The following HNMT variants were observed in gnomAD, a reference collection of about 807,000 sequenced individuals.
HNMT encodes the protein histamine N-methyltransferase.
Under a neutral mutation model 32.1 loss-of-function variants are expected in HNMT, and 30 were observed. The observed-to-expected ratio is 0.93, with a 90% CI of 0.70 to 1.27. The LOEUF is 1.27. HNMT is among the 50% of genes most tolerant of loss of function. The pLI is 0.00. For synonymous variants in HNMT, 125 were observed against 119.0 expected, an observed-to-expected ratio of 1.05 and a Z score of -0.33; for missense variants, 327 against 346.0, an observed-to-expected ratio of 0.95 and a Z score of 0.43.
intron 2 of HNMT, among the ~76,000 whole-genome samples, chr2:138,000,717 T>C (rs1261603315): frequency 6.6e-6 from 1 of 152,126 alleles, no homozygotes; most frequent in Non-Finnish European, 1.5e-5. Context: ...TGGATGGCAC[T>C]CACAGCCCTC....
intron 5 of HNMT, 61 bp from the exon 6 acceptor site, chr2:138,013,714 C>G: frequency 7.7e-7 from 1 of 1,304,744 alleles, no homozygotes; most frequent in South Asian, 1.3e-5. Context: ...AGTGTACTTT[C>G]TGGCAGACTG....
rs1301293045 is a variant in HNMT at position 138,013,853 on chromosome 2, C to G, written c.602C>G (p.Ser201Ter). The part of the protein sequence containing the change: ...PQDDLCQYIT[S>*]DDLTQMLDNL... The stretch of plus-strand genomic sequence containing the variant: ...GATGACCTCTGCCAGTATATCACAT[C>G]AGATGACCTCACTCAGATGCTGGAC... The change falls in exon 6 of 6, where the codon TCA becomes TGA. Residue 201 changes from serine to a stop codon, truncating the protein, a stop_gained. Transcript: ENST00000280097. LOFTEE classifies it high-confidence loss of function. 6.2e-7 allele frequency: 1 copy of G among 1,613,628 alleles called. No homozygotes were observed. Among genetic ancestry groups the G allele is most frequent in the Non-Finnish European group, 8.5e-7 (1 of 1,179,800 alleles).
At chr2:137,983,953 A>G (rs1680576988) in intron 2 of HNMT, among the ~76,000 whole-genome samples, 1 of 152,168 alleles carries the variant, frequency 6.6e-6, no homozygotes. Flanking sequence ...GCAGATGTCG[A>G]GGTGACCTAT....
chr2:137,974,823 A>G (rs1671672959), intron 2 of HNMT, among the ~76,000 whole-genome samples: 1 of 152,232 alleles, frequency 6.6e-6, no homozygotes, highest in Admixed American at 6.5e-5. Flanking sequence ...CAAGCAACTC[A>G]TATATGAAAT....
At chr2:138,005,984 T>C (rs1247314643) in intron 5 of HNMT, among the ~76,000 whole-genome samples, 4 of 152,004 alleles carry the variant, frequency 2.6e-5, no homozygotes, top group Non-Finnish European at 1.5e-5. Context: ...TTTAACACCG[T>C]ATGTCACAAA....
At position 138,002,083 on chromosome 2, in the gene HNMT, G is replaced by A. The variant is rs565549519; in HGVS notation, c.318G>A (p.Ser106=). Residue 106 remains serine (S), a synonymous_variant, in exon 4 of 6, where the codon TCG becomes TCA. Transcript: ENST00000280097. ...AKYKELVAKT[S]NLENVKFAWH... Reference sequence around the variant, plus strand: ...TTTTAGAGCTTGTAGCCAAGACATCGAACCTCGAGAACGTAAAGTTTGCTT... The same window carrying A: ...TTTTAGAGCTTGTAGCCAAGACATCAAACCTCGAGAACGTAAAGTTTGCTT... The A allele has an allele frequency of 1.4e-5, 22 of 1,588,190 alleles. No homozygotes were observed. The highest frequency in any genetic ancestry group is 1.7e-4 in the Middle Eastern group (1 of 5,928).
intron 2 of HNMT, among the ~76,000 whole-genome samples, chr2:137,977,626 G>A (rs1680325658): frequency 6.6e-6 from 1 of 151,978 alleles, no homozygotes; most frequent in African/African-American, 2.4e-5. Context: ...AAGTTCAAAT[G>A]TTTGCTAAGA....
At chr2:137,965,535 T>C (rs1679930775) in intron 1 of HNMT, among the ~76,000 whole-genome samples, 1 of 152,226 alleles carries the variant, frequency 6.6e-6, no homozygotes, top group East Asian at 1.9e-4. Context: ...TTATTAGATG[T>C]ACATAAAATT....
intron 2 of HNMT, among the ~76,000 whole-genome samples, chr2:137,986,035 C>G (rs1298120211): frequency 1.3e-5 from 2 of 151,502 alleles, no homozygotes; most frequent in African/African-American, 4.8e-5. Context: ...AAATGTGGTA[C>G]TAGTGTTAGT....
intron 5 of HNMT, among the ~76,000 whole-genome samples, chr2:138,010,466 CACACACACACACACACAG>C (rs1187254475): frequency 1.4e-5 from 2 of 146,162 alleles, no homozygotes; most frequent in Non-Finnish European, 3.1e-5. Flanking sequence ...CACACACACA[CACACACACACACACACAG>C]CAAATGGAAG....
chr2:137,979,535 A>T (rs993699761), intron 2 of HNMT, among the ~76,000 whole-genome samples: 2 of 151,984 alleles, frequency 1.3e-5, no homozygotes, highest in Non-Finnish European at 2.9e-5. Context: ...TATAGGCGTG[A>T]GCCACCACGC....
intron 1 of HNMT, among the ~76,000 whole-genome samples, chr2:137,968,717 G>C (rs1020179728): frequency 4.6e-5 from 7 of 152,080 alleles, no homozygotes; most frequent in African/African-American, 1.2e-4. Context: ...ATTATGAGTT[G>C]GAGGATAATT....
At chr2:138,001,323 C>A (rs1248758913) in intron 3 of HNMT, among the ~76,000 whole-genome samples, 1 of 152,102 alleles carries the variant, frequency 6.6e-6, no homozygotes, top group Non-Finnish European at 1.5e-5. Flanking sequence ...TTAAACCAAC[C>A]TTAAAGAGCT....
intron 2 of HNMT, among the ~76,000 whole-genome samples, chr2:138,000,399 C>A (rs926573399): frequency 5.3e-5 from 8 of 152,088 alleles, no homozygotes; most frequent in Non-Finnish European, 7.4e-5. Context: ...TTTATGAGGG[C>A]AGATATCTGA....
chr2:138,013,830 T>C lies in HNMT; in HGVS notation c.579T>C (p.Asp193=). 1.2e-6 allele frequency: 2 copies of C among 1,613,676 alleles called. No homozygotes were observed. Among genetic ancestry groups the C allele is most frequent in the Non-Finnish European group, 1.7e-6 (2 of 1,179,782 alleles). ...AGTACGGATCACGCTTTCCCCAGGA[T>C]GACCTCTGCCAGTATATCACATCAG... ...WKKYGSRFPQ[D]DLCQYITSDD... The change falls in exon 6 of 6, where the codon GAT becomes GAC. Residue 193 remains aspartate, a synonymous_variant. Transcript: ENST00000280097.
intron 2 of HNMT, among the ~76,000 whole-genome samples, chr2:137,972,597 T>A (rs1328478201): frequency 6.6e-6 from 1 of 152,182 alleles, no homozygotes; most frequent in Non-Finnish European, 1.5e-5. Flanking sequence ...TAAGCTAAAA[T>A]ACTTTATTAT....
rs1169875047 is a variant in HNMT at position 138,010,454 on chromosome 2, C to CAT, written c.524-3320_524-3319insTA. On this transcript the variant is annotated intron_variant, in intron 5 of 5. Transcript: ENST00000280097. Reference sequence around the variant, plus strand: ...AAAAAGACACACGCACACACACACACACACACACACACACACACACACACA... The same window carrying CAT: ...AAAAAGACACACGCACACACACACACATACACACACACACACACACACACACA... Among the ~76,000 whole-genome samples, 3 of 134,680 alleles carry CAT rather than the reference C, an allele frequency of 2.2e-5. No homozygotes were observed. The Admixed American group carries it at 2.2e-4, about 10-fold the overall frequency. 88.4% of individuals were successfully genotyped at this position (134,680 alleles called of 152,430 possible). A position where few individuals can be genotyped will look rare whatever the true frequency, so the allele number is the denominator to read the frequency against.
At chr2:137,970,933 AAAAG>A (rs779617692) in intron 2 of HNMT, among the ~76,000 whole-genome samples, 2,513 of 86,596 alleles carry the variant, frequency 0.029, 158 homozygotes, top group African/African-American at 0.074. Flanking sequence ...AAAAAAAAAA[AAAAG>A]AAAGAAAGAA....
intron 1 of HNMT, chr2:137,967,209 G>C (rs1236169875): frequency 4.2e-6 from 3 of 722,302 alleles, no homozygotes; most frequent in South Asian, 1.4e-5. Context: ...CTAGGAGTTT[G>C]AGACCAGCCT....
Sources: gnomAD v4.1 joint callset for allele counts (sites outside exome capture counted in the v4.1 genomes callset) on GRCh38, gnomAD v4.1.1 for gene constraint, MANE v1.5 for transcripts, NCBI Gene and HGNC (gene_info 2026-07-23, HGNC 2026-07-21) for gene names.